The following ADAMTS19 variants were observed in gnomAD, a reference collection of about 807,000 sequenced individuals.
ADAMTS19 encodes ADAM metallopeptidase with thrombospondin type 1 motif 19, also known as A disintegrin and metalloproteinase with thrombospondin motifs 19.
ADAMTS19 carries 93 observed loss-of-function variants against 153.3 expected under a neutral mutation model. That is an observed-to-expected ratio of 0.61 (90% CI 0.51 to 0.72). ADAMTS19 has a LOEUF of 0.72. Ranked by LOEUF, ADAMTS19 falls within the 30% of genes least tolerant of loss-of-function variation. The pLI is 0.00. For synonymous variants in ADAMTS19, 600 were observed against 556.6 expected, an observed-to-expected ratio of 1.08 and a Z score of -1.10; for missense variants, 1,482 against 1,552.1, an observed-to-expected ratio of 0.95 and a Z score of 0.76.
intron 2 of ADAMTS19, among the ~76,000 whole-genome samples, chr5:129,508,768 C>A (rs1388486126): frequency 6.6e-6 from 1 of 151,938 alleles, no homozygotes; most frequent in East Asian, 1.9e-4. Flanking sequence ...ATTTAAGTGA[C>A]CCCATGGGTC....
chr5:129,631,137 T>G (rs1005360538), intron 10 of ADAMTS19, among the ~76,000 whole-genome samples: 3 of 150,536 alleles, frequency 2.0e-5, no homozygotes, highest in Non-Finnish European at 4.4e-5. Context: ...GAATATAGTA[T>G]AATCACTTTG....
chr5:129,673,295 T>C (rs192866776), intron 16 of ADAMTS19, among the ~76,000 whole-genome samples: 54 of 152,212 alleles, frequency 3.5e-4, no homozygotes, highest in African/African-American at 1.3e-3. Flanking sequence ...TCTTTGCTAA[T>C]GTGACAATTT....
chr5:129,483,479 T>C (rs1310060825), intron 2 of ADAMTS19, among the ~76,000 whole-genome samples: 1 of 152,208 alleles, frequency 6.6e-6, no homozygotes, highest in Admixed American at 6.5e-5. Context: ...ACAGCATCTA[T>C]GACCTCTACC....
chr5:129,611,925 T>TG (rs1751240423), intron 8 of ADAMTS19, among the ~76,000 whole-genome samples: 1 of 151,700 alleles, frequency 6.6e-6, no homozygotes, highest in Non-Finnish European at 1.5e-5. Context: ...CAGAAGAGAG[T>TG]GGGGGCTAAT....
At chr5:129,687,462 T>C (rs1015465114) in intron 18 of ADAMTS19, among the ~76,000 whole-genome samples, 7 of 152,144 alleles carry the variant, frequency 4.6e-5, no homozygotes, top group African/African-American at 9.7e-5. Context: ...AAAAAGCAAA[T>C]TGTCTAGGAT....
In ADAMTS19 at chr5:129,645,885, A is replaced by ATTTTTTTTTTTTTTTTTTTTTTTTT. The variant is rs529444004; in HGVS notation, c.1873-1859_1873-1858insTTTTTTTTTTTTTTTTTTTTTTTTT. On this transcript the variant is annotated intron_variant, in intron 11 of 22. Transcript: ENST00000274487. ...CACATGGTTTCTTTCTCCTTTTCCA[A>ATTTTTTTTTTTTTTTTTTTTTTTTT]TTTTTTTTTTTTTTTTTTTTTGAGA... Among the ~76,000 whole-genome samples the ATTTTTTTTTTTTTTTTTTTTTTTTT allele has an allele frequency of 4.6e-4, 45 of 97,084 alleles. 2 individuals are homozygous for ATTTTTTTTTTTTTTTTTTTTTTTTT. Among genetic ancestry groups the ATTTTTTTTTTTTTTTTTTTTTTTTT allele is most frequent in the East Asian group, 7.0e-4 (2 of 2,866 alleles). 63.7% of individuals were successfully genotyped at this position (97,084 alleles called of 152,430 possible). A position where few individuals can be genotyped will look rare whatever the true frequency, so the allele number is the denominator to read the frequency against.
chr5:129,703,982 C>G (rs537533742), intron 20 of ADAMTS19, among the ~76,000 whole-genome samples: 13 of 151,966 alleles, frequency 8.6e-5, no homozygotes, highest in Non-Finnish European at 1.3e-4. Flanking sequence ...TAAATAATCC[C>G]TGTTATATTA....
Position 129,722,956 on chromosome 5 carries a change from G to A in ADAMTS19, c.3313-11976G>A, listed in dbSNP as rs114792855. On this transcript the variant is annotated intron_variant, in intron 21 of 22. Transcript: ENST00000274487. ...ACAATAATGTCAGAGTTAAGAATTT[G>A]TTAAGATTTTTTGCGTGTGTTTTTA... is the stretch of plus-strand genomic sequence containing the variant. Among the ~76,000 whole-genome samples, 296 of 152,190 alleles carry A rather than the reference G, an allele frequency of 1.9e-3. 2 individuals carry two copies. The highest frequency in any genetic ancestry group is 6.7e-3 in the African/African-American group (280 of 41,548).
intron 18 of ADAMTS19, among the ~76,000 whole-genome samples, chr5:129,691,823 C>T (rs1318617101): frequency 2.0e-5 from 3 of 152,074 alleles, no homozygotes; most frequent in African/African-American, 7.2e-5. Context: ...TATAACAATA[C>T]TTATAGTTAA....
intron 21 of ADAMTS19, among the ~76,000 whole-genome samples, chr5:129,711,759 A>G (rs1381715626): frequency 3.3e-5 from 5 of 152,132 alleles, no homozygotes; most frequent in African/African-American, 1.2e-4. Context: ...TGTGGTCTCT[A>G]TGTATGAAAA....
chr5:129,467,276 G>C (rs1749897863), intron 2 of ADAMTS19, among the ~76,000 whole-genome samples: 1 of 152,144 alleles, frequency 6.6e-6, no homozygotes, highest in Non-Finnish European at 1.5e-5. Flanking sequence ...TATTAAGTCA[G>C]CGATTCTAGT....
chr5:129,548,791 G>A (rs536430968), intron 6 of ADAMTS19, among the ~76,000 whole-genome samples: 14 of 151,662 alleles, frequency 9.2e-5, no homozygotes, highest in Non-Finnish European at 1.3e-4. Context: ...GTCCAACAAC[G>A]ATAGACTGGA....
chr5:129,710,008 G>A (rs1002080581), intron 21 of ADAMTS19, among the ~76,000 whole-genome samples: 6 of 151,570 alleles, frequency 4.0e-5, no homozygotes, highest in African/African-American at 1.2e-4. Context: ...ACATGTGCAG[G>A]ACCTGCAGGT....
chr5:129,489,822 T>C (rs766295221), intron 2 of ADAMTS19, among the ~76,000 whole-genome samples: 2 of 152,156 alleles, frequency 1.3e-5, no homozygotes, highest in Non-Finnish European at 2.9e-5. Flanking sequence ...CTCCCAGTGC[T>C]TCAGTTTATT....
At chr5:129,684,467 A>T (rs1043840124) in intron 18 of ADAMTS19, among the ~76,000 whole-genome samples, 194 bp downstream of exon 18, 1 of 149,778 alleles carries the variant, frequency 6.7e-6, no homozygotes, top group Non-Finnish European at 1.5e-5. Context: ...GCTATTTAGG[A>T]TTGTTAACAT....
intron 6 of ADAMTS19, among the ~76,000 whole-genome samples, chr5:129,539,175 A>C (rs1309617128): frequency 1.3e-5 from 2 of 152,102 alleles, no homozygotes; most frequent in Admixed American, 6.6e-5. Context: ...GCCATCTTAC[A>C]TGGCAAGGGG....
chr5:129,694,642 A>G lies in ADAMTS19; in HGVS notation c.2819-78A>G, dbSNP rs1268617134. The G allele has an allele frequency of 5.4e-6, 6 of 1,115,474 alleles. No individual in the cohort carries two copies. The East Asian group carries it at 1.6e-4, about 30-fold the overall frequency. 69.1% of individuals were successfully genotyped at this position (1,115,474 alleles called of 1,614,324 possible). On this transcript the variant is annotated intron_variant, in intron 18 of 22. Coordinates refer to ENST00000274487, the MANE Select transcript of ADAMTS19 (RefSeq NM_133638.6). ...AGTTTTTTAAATAAAAAATAAGCATAATAAGCTTATGAACACCTCCTAAAT... is the reference window on the plus strand; with the variant it reads ...AGTTTTTTAAATAAAAAATAAGCATGATAAGCTTATGAACACCTCCTAAAT...
At chr5:129,678,241 C>T (rs1258012179) in intron 16 of ADAMTS19, among the ~76,000 whole-genome samples, 1 of 152,148 alleles carries the variant, frequency 6.6e-6, no homozygotes, top group African/African-American at 2.4e-5. Flanking sequence ...GTCTCCTGGT[C>T]CTGGTCAAGC....
At chr5:129,631,645 A>G (rs941157017) in intron 10 of ADAMTS19, among the ~76,000 whole-genome samples, 10 of 151,848 alleles carry the variant, frequency 6.6e-5, no homozygotes, top group Admixed American at 3.3e-4. Flanking sequence ...TTTATATTGT[A>G]GTTTATTATA....
Sources: allele counts gnomAD v4.1 joint callset (sites outside exome capture counted in the v4.1 genomes callset), GRCh38; gene constraint gnomAD v4.1.1; transcripts MANE v1.5; gene names NCBI Gene and HGNC (gene_info 2026-07-23, HGNC 2026-07-21).